The following CD300A variants were observed in gnomAD, a reference collection of about 807,000 sequenced individuals.
CD300A encodes the protein CD300a molecule.
Under a neutral mutation model 33.6 loss-of-function variants are expected in CD300A, and 22 were observed. The observed-to-expected ratio is 0.66, with a 90% confidence interval of 0.47 to 0.94. CD300A has a LOEUF of 0.94. CD300A is among the 40% of genes least tolerant of loss of function. The probability of loss-of-function intolerance (pLI) is 0.00; values close to 1 mark genes in which losing one functional copy is unlikely to be tolerated. For synonymous variants in CD300A, 136 were observed against 148.1 expected (o/e 0.92, Z 0.59); for missense variants, 326 against 360.5 (o/e 0.90, Z 0.77).
At chr17:74,470,235 C>T (rs1906005770) in intron 1 of CD300A, 1 of 985,360 alleles carries the variant, frequency 1.0e-6, no homozygotes, top group Non-Finnish European at 1.2e-6. Context: ...TCCATGTGAT[C>T]GTTCCAGGTA....
rs144998889 is a variant in CD300A at position 74,477,939 on chromosome 17, A to T, written c.628+409A>T. On this transcript the variant is annotated intron_variant, in intron 4 of 6. Coordinates refer to ENST00000360141, the MANE Select transcript of CD300A (RefSeq NM_007261.4). ...GCAACACAACAAGGCTCCCGTGTCT[A>T]TAAGATAAAATAAACCCTTGCATGG... Among the ~76,000 whole-genome samples the T allele has an allele frequency of 4.6e-5, 7 of 152,312 alleles. No individual in the cohort carries two copies. The East Asian group carries it at 1.4e-3, about 29-fold the overall frequency.
intron 6 of CD300A, among the ~76,000 whole-genome samples, chr17:74,483,755 G>A (rs1204323056): frequency 1.3e-5 from 2 of 152,196 alleles, no homozygotes; most frequent in African/African-American, 2.4e-5. Flanking sequence ...ACCAGGCTGG[G>A]TCAGCCCTGA....
upstream of CD300A, chr17:74,466,633 C>A (rs770807830): frequency 6.6e-7 from 1 of 1,511,186 alleles, no homozygotes; most frequent in East Asian, 2.4e-5. Context: ...GCCTTGGAGG[C>A]GTGACTTTCC....
At chr17:74,474,508 T>C in intron 2 of CD300A, 24 bp from the exon 3 acceptor site, 2 of 1,612,422 alleles carry the variant, frequency 1.2e-6, no homozygotes, top group African/African-American at 2.7e-5. Flanking sequence ...GCTCCCTGGG[T>C]CTGACTTGTG....
At chr17:74,475,588 A>G (rs1906408446) in intron 3 of CD300A, among the ~76,000 whole-genome samples, 2 of 152,196 alleles carry the variant, frequency 1.3e-5, no homozygotes, top group South Asian at 4.1e-4. Context: ...CTCCCCAGAA[A>G]AACACATGCA....
At chr17:74,477,841 A>G (rs748589714) in intron 4 of CD300A, among the ~76,000 whole-genome samples, 1 of 152,026 alleles carries the variant, frequency 6.6e-6, no homozygotes, top group South Asian at 2.1e-4. Flanking sequence ...AGTGGTGTGC[A>G]TCTGTAGTTC....
rs1245831729 is a variant in CD300A, at chr17:74,476,341, C to G, written c.534-1095C>G. Reference sequence around the variant, plus strand: ...CTAAGAGCTAGGGACAAAGGCCAGCCAGATTCTTTACTGGACAACATCCAT... The same window carrying G: ...CTAAGAGCTAGGGACAAAGGCCAGCGAGATTCTTTACTGGACAACATCCAT... On this transcript the variant is annotated intron_variant, in intron 3 of 6. Transcript: ENST00000360141. Among the ~76,000 whole-genome samples, 3 of 152,192 alleles carry G rather than the reference C, an allele frequency of 2.0e-5. No individual in the cohort carries two copies. The East Asian group carries it at 5.8e-4, about 29-fold the overall frequency.
rs747958422 is a variant in CD300A, at chr17:74,477,466, G to T, written c.564G>T (p.Leu188Phe). 6 of 1,613,738 alleles carry T rather than the reference G, an allele frequency of 3.7e-6. No homozygotes were observed. The South Asian group carries it at 4.4e-5, about 12-fold the overall frequency. ...CGCTGCTCCTCTCCCTGCTGGCATT[G>T]TTGCTGCTTCTGTTGGTGGGGGCCT... is the stretch of plus-strand genomic sequence containing the variant. ...QLPLLLSLLA[L>F]LLLLLVGASL... Residue 188 changes from leucine to phenylalanine, a missense_variant, in exon 4 of 7, where the codon TTG becomes TTT. Transcript: ENST00000360141.
At chr17:74,474,808 G>T in intron 3 of CD300A, 123 bp downstream of exon 3, 1 of 1,043,876 alleles carries the variant, frequency 9.6e-7, no homozygotes, top group Non-Finnish European at 1.3e-6. Context: ...CCAGGCCCAG[G>T]TTGGAAGCCA....
rs571489973 is a variant in CD300A, at chr17:74,473,044, G to C, written c.41-492G>C. Among the ~76,000 whole-genome samples the C allele has an allele frequency of 2.0e-5, 3 of 152,214 alleles. No individual in the cohort carries two copies. The East Asian group carries it at 5.8e-4, about 29-fold the overall frequency. Reference sequence around the variant, plus strand: ...TGGGGTGGCCCTCCCGGGAGTGCAGGTGCTTAGGGGTGAGTTCTCATGCTC... The same window carrying C: ...TGGGGTGGCCCTCCCGGGAGTGCAGCTGCTTAGGGGTGAGTTCTCATGCTC... On this transcript the variant is annotated intron_variant, in intron 1 of 6. Coordinates refer to ENST00000360141, the MANE Select transcript of CD300A (RefSeq NM_007261.4).
At chr17:74,471,895 C>T (rs1906125321) in intron 1 of CD300A, among the ~76,000 whole-genome samples, 1 of 152,106 alleles carries the variant, frequency 6.6e-6, no homozygotes, top group African/African-American at 2.4e-5. Flanking sequence ...AAGGAGACCC[C>T]TACCAAAGTC....
chr17:74,468,560 T>C (rs938932312), intron 1 of CD300A, among the ~76,000 whole-genome samples: 2 of 152,116 alleles, frequency 1.3e-5, no homozygotes, highest in Non-Finnish European at 2.9e-5. Flanking sequence ...CTCCACCTCC[T>C]GGGATCAAGG....
chr17:74,481,860 C>A, intron 6 of CD300A, 27 bp downstream of exon 6: 1 of 1,551,596 alleles, frequency 6.4e-7, no homozygotes, highest in South Asian at 1.2e-5. Context: ...GGCTTTTGGG[C>A]ATGCGGCCCC....
intron 1 of CD300A, among the ~76,000 whole-genome samples, chr17:74,469,152 C>T (rs921582939): frequency 2.0e-5 from 3 of 151,998 alleles, no homozygotes; most frequent in African/African-American, 4.8e-5. Flanking sequence ...GCTTGTAAAA[C>T]TGTCTGAGTT....
intron 1 of CD300A, chr17:74,469,941 A>G (rs1905984817): frequency 1.7e-5 from 17 of 985,282 alleles, no homozygotes; most frequent in Non-Finnish European, 2.0e-5. Flanking sequence ...CTGTGAATTC[A>G]CCAGTTCGTG....
chr17:74,483,337 T>G (rs1483033232), intron 6 of CD300A, among the ~76,000 whole-genome samples: 1 of 127,338 alleles, frequency 7.9e-6, no homozygotes, highest in Non-Finnish European at 1.5e-5. Context: ...AGAACTTTCC[T>G]TTTTTTTTCT....
intron 6 of CD300A, among the ~76,000 whole-genome samples, chr17:74,483,513 C>T (rs148420928): frequency 0.017 from 2,606 of 152,082 alleles, 34 homozygotes; most frequent in Non-Finnish European, 0.028. Flanking sequence ...TCCACCACCA[C>T]GCCCAGCTAG....
At chr17:74,477,346 T>C (rs1906533248) in intron 3 of CD300A, 90 bp from the exon 4 acceptor site, 1 of 838,206 alleles carries the variant, frequency 1.2e-6, no homozygotes, top group African/African-American at 1.7e-5. Flanking sequence ...CCAGATCCTG[T>C]CTCAAAAAAT....
chr17:74,476,393 A>C (rs1327125683), intron 3 of CD300A, among the ~76,000 whole-genome samples: 1 of 152,224 alleles, frequency 6.6e-6, no homozygotes, highest in Non-Finnish European at 1.5e-5. Context: ...TTCTGCCAAC[A>C]TATAAGACAA....
Sources: allele counts gnomAD v4.1 joint callset (sites outside exome capture counted in the v4.1 genomes callset), GRCh38; gene constraint gnomAD v4.1.1; transcripts MANE v1.5; gene names NCBI Gene and HGNC (gene_info 2026-07-23, HGNC 2026-07-21).